Variants in AK5 observed in about 807,000 individuals in gnomAD.
AK5 encodes adenylate kinase 5.
In AK5, 27 loss-of-function variants were observed where a neutral mutation model predicts 69.5. The observed-to-expected ratio is 0.39, with a 90% CI of 0.29 to 0.54. The LOEUF (loss-of-function observed/expected upper bound fraction) is 0.54, where lower values mean the gene tolerates loss of function less well. Ranked by LOEUF, AK5 falls within the 20% of genes least tolerant of loss-of-function variation. The pLI, the probability that AK5 is intolerant of heterozygous loss-of-function variation, is 0.71. For missense variants in AK5, 531 were observed against 700.4 expected, an observed-to-expected ratio of 0.76 and a Z score of 2.73; for synonymous variants, 260 against 244.4, an observed-to-expected ratio of 1.06 and a Z score of -0.60.
intron 6 of AK5, among the ~76,000 whole-genome samples, chr1:77,386,049 A>G (rs1178422088): frequency 6.6e-6 from 1 of 152,198 alleles, no homozygotes; most frequent in Non-Finnish European, 1.5e-5. Flanking sequence ...TGTATATATT[A>G]CTTTGATTTA....
At chr1:77,291,142 T>A (rs891735843) in intron 2 of AK5, among the ~76,000 whole-genome samples, 1 of 152,174 alleles carries the variant, frequency 6.6e-6, no homozygotes, top group East Asian at 1.9e-4. Flanking sequence ...TGGTCAGGAA[T>A]GAGAGAAGTC....
intron 12 of AK5, chr1:77,532,006 CCGCT>C (rs1186876203): frequency 2.0e-5 from 3 of 151,352 alleles, no homozygotes; most frequent in East Asian, 2.0e-4. Flanking sequence ...GGCCGGCCGG[CCGCT>C]CCGAGTGCGG....
At position 77,313,579 on chromosome 1, in the gene AK5, C is replaced by T. The variant is rs558309991; in HGVS notation, c.699+15632C>T. On this transcript the variant is annotated intron_variant, in intron 5 of 13. Transcript: ENST00000354567. The stretch of plus-strand genomic sequence containing the variant: ...CCAGTTCACAGCAGCTTCCCTCCCT[C>T]CCTAGCCCGGCCCTCTCTCTCCTTT... 2.0e-3 allele frequency among the ~76,000 whole-genome samples: 306 copies of T among 152,176 alleles called. 2 individuals carry two copies. The highest frequency in any genetic ancestry group is 7.1e-3 in the African/African-American group (295 of 41,456).
intron 5 of AK5, among the ~76,000 whole-genome samples, chr1:77,326,412 A>G (rs979966971): frequency 2.0e-5 from 3 of 152,218 alleles, no homozygotes; most frequent in Non-Finnish European, 4.4e-5. Context: ...CCTAAAAAAA[A>G]GATACCAGTT....
At chr1:77,463,100 T>C (rs1653935556) in intron 8 of AK5, among the ~76,000 whole-genome samples, 1 of 152,214 alleles carries the variant, frequency 6.6e-6, no homozygotes, top group African/African-American at 2.4e-5. Flanking sequence ...AAATAAATTA[T>C]AGAATTTATA....
intron 8 of AK5, among the ~76,000 whole-genome samples, chr1:77,423,078 G>C (rs572545628): frequency 6.6e-6 from 1 of 151,908 alleles, no homozygotes; most frequent in Non-Finnish European, 1.5e-5. Flanking sequence ...AAAATTAGCC[G>C]GGCGTGGTGG....
At chr1:77,456,296 A>G (rs1012629372) in intron 8 of AK5, among the ~76,000 whole-genome samples, 8 of 152,232 alleles carry the variant, frequency 5.3e-5, no homozygotes, top group Non-Finnish European at 1.0e-4. Flanking sequence ...CACCTGCTTA[A>G]GGACACTAGT....
intron 6 of AK5, among the ~76,000 whole-genome samples, chr1:77,364,080 A>T (rs1230701893): frequency 1.3e-5 from 2 of 152,196 alleles, no homozygotes; most frequent in African/African-American, 4.8e-5. Context: ...AGAGCAAAAA[A>T]AGGAAATAAA....
chr1:77,364,282 C>T (rs1398862814), intron 6 of AK5, among the ~76,000 whole-genome samples: 4 of 152,186 alleles, frequency 2.6e-5, no homozygotes, highest in African/African-American at 7.2e-5. Flanking sequence ...TTATGGGGCA[C>T]ATAGTGATAT....
intron 6 of AK5, among the ~76,000 whole-genome samples, chr1:77,347,616 G>A (rs576212332): frequency 9.2e-5 from 14 of 152,174 alleles, no homozygotes; most frequent in African/African-American, 1.9e-4. Flanking sequence ...CTAAAATACC[G>A]TGATCACAAT....
At chr1:77,342,574 AG>A (rs1661710887) in intron 6 of AK5, among the ~76,000 whole-genome samples, 1 of 152,188 alleles carries the variant, frequency 6.6e-6, no homozygotes, top group Non-Finnish European at 1.5e-5. Context: ...CCTTTTGGAA[AG>A]CAATGAACGC....
chr1:77,354,166 T>A (rs890235152), intron 6 of AK5, among the ~76,000 whole-genome samples: 27 of 151,648 alleles, frequency 1.8e-4, no homozygotes, highest in African/African-American at 6.3e-4. Context: ...AGGGAAGGAG[T>A]AGGGAATAAA....
At chr1:77,481,448 A>C (rs1570230034) in intron 8 of AK5, among the ~76,000 whole-genome samples, 2 of 152,178 alleles carry the variant, frequency 1.3e-5, no homozygotes, top group East Asian at 3.9e-4. Context: ...CTGAATGACC[A>C]CTCTGTTAAT....
intron 3 of AK5, among the ~76,000 whole-genome samples, chr1:77,297,030 T>C (rs1488181377): frequency 1.3e-5 from 2 of 152,134 alleles, no homozygotes; most frequent in Non-Finnish European, 2.9e-5. Flanking sequence ...AACTCTAGAA[T>C]TCAAAGGATA....
intron 5 of AK5, among the ~76,000 whole-genome samples, chr1:77,304,557 CA>C (rs1382008230): frequency 6.6e-6 from 1 of 152,082 alleles, no homozygotes; most frequent in Non-Finnish European, 1.5e-5. Flanking sequence ...AGGCATGCAC[CA>C]CCACGCCCAA....
chr1:77,310,478 C>G (rs1303638458), intron 5 of AK5, among the ~76,000 whole-genome samples: 1 of 152,012 alleles, frequency 6.6e-6, no homozygotes, highest in Non-Finnish European at 1.5e-5. Flanking sequence ...CTTCCGGGTT[C>G]ACGCCACTCT....
At chr1:77,296,527 C>T (rs1659015977) in intron 3 of AK5, among the ~76,000 whole-genome samples, 1 of 151,982 alleles carries the variant, frequency 6.6e-6, no homozygotes, top group South Asian at 2.1e-4. Flanking sequence ...AGTACAATAA[C>T]ATTCTCAATG....
chr1:77,419,833 G>A (rs1331318480), intron 8 of AK5, among the ~76,000 whole-genome samples: 1 of 152,118 alleles, frequency 6.6e-6, no homozygotes, highest in Non-Finnish European at 1.5e-5. Context: ...ACAGATAATA[G>A]TTGAGAATTT....
At chr1:77,404,326 C>T (rs6689581) in intron 6 of AK5, among the ~76,000 whole-genome samples, 66,698 of 151,704 alleles carry the variant, frequency 0.44, 14,954 homozygotes, top group Middle Eastern at 0.52. Flanking sequence ...CCCCTGACCC[C>T]CTGCAAGTGT....
Sources: gnomAD v4.1 joint callset for allele counts (sites outside exome capture counted in the v4.1 genomes callset) on GRCh38, gnomAD v4.1.1 for gene constraint, MANE v1.5 for transcripts, NCBI Gene and HGNC (gene_info 2026-07-23, HGNC 2026-07-21) for gene names.